The following EFCAB6 variants were observed in gnomAD, a reference collection of about 807,000 sequenced individuals.
The protein encoded by EFCAB6 is EF-hand calcium binding domain 6.
In EFCAB6, 156 loss-of-function variants were observed where a neutral mutation model predicts 169.8. That is an observed-to-expected ratio of 0.92 (90% CI 0.81 to 1.05). The LOEUF (loss-of-function observed/expected upper bound fraction) is 1.05. Among genes scored for constraint, EFCAB6 ranks in the 50% least tolerant of loss-of-function variants. The pLI is 0.00. For missense variants in EFCAB6, 1,800 were observed against 1,829.1 expected, an observed-to-expected ratio of 0.98 and a Z score of 0.29; for synonymous variants, 698 against 676.4, an observed-to-expected ratio of 1.03 and a Z score of -0.50.
At chr22:43,687,175 T>C (rs2058229009) in intron 11 of EFCAB6, among the ~76,000 whole-genome samples, 1 of 152,214 alleles carries the variant, frequency 6.6e-6, no homozygotes, top group South Asian at 2.1e-4. Flanking sequence ...CCTGGAGCCT[T>C]TGTGGTCCAT....
intron 25 of EFCAB6, 100 bp downstream of exon 25, chr22:43,580,364 G>A: frequency 7.7e-7 from 1 of 1,290,632 alleles, no homozygotes; most frequent in Non-Finnish European, 1.1e-6. Context: ...ACACCCCAAG[G>A]AGAATGAACA....
At chr22:43,784,619 ATACACATATATATGTATATG>A (rs751310109) in intron 2 of EFCAB6, among the ~76,000 whole-genome samples, 8,331 of 92,088 alleles carry the variant, frequency 0.09, 994 homozygotes, top group Non-Finnish European at 0.13. Flanking sequence ...ATGTGTATAT[ATACACATATATATGTATATG>A]TACACATATA....
intron 2 of EFCAB6, among the ~76,000 whole-genome samples, chr22:43,802,253 A>G (rs184325347): frequency 1.9e-3 from 296 of 152,208 alleles, no homozygotes; most frequent in Non-Finnish European, 3.2e-3. Flanking sequence ...AGATAAAACC[A>G]GCTGGGTGGC....
rs116278256 is a variant in EFCAB6 at position 43,802,156 on chromosome 22, G to A, written c.-8+6839C>T. Among the ~76,000 whole-genome samples, 1,433 of 152,276 alleles carry A rather than the reference G, an allele frequency of 9.4e-3. 25 individuals are homozygous for A. The highest frequency in any genetic ancestry group is 0.033 in the African/African-American group (1,384 of 41,560). ...ATGTCCCCTGAACTGACAAGAGGCT[G>A]TGTGCTGCTACATCCTGCAACCAGC... On this transcript the variant is annotated intron_variant, in intron 2 of 31. Transcript: ENST00000262726.
chr22:43,718,106 A>C (rs2059398917), intron 8 of EFCAB6, among the ~76,000 whole-genome samples: 1 of 151,988 alleles, frequency 6.6e-6, no homozygotes, highest in Non-Finnish European at 1.5e-5. Flanking sequence ...CAGAAACAAA[A>C]TCTGAGAGGA....
At chr22:43,689,159 T>C (rs1434831376) in intron 10 of EFCAB6, among the ~76,000 whole-genome samples, 2 of 151,824 alleles carry the variant, frequency 1.3e-5, no homozygotes, top group East Asian at 1.9e-4. Context: ...GCTAGAAACC[T>C]TGCAGGTGAG....
intron 15 of EFCAB6, among the ~76,000 whole-genome samples, chr22:43,669,560 G>A (rs1209594973): frequency 2.6e-5 from 4 of 152,188 alleles, no homozygotes; most frequent in Non-Finnish European, 5.9e-5. Context: ...GTTTCGTGGA[G>A]GTGGGAGGAG....
chr22:43,718,981 A>G (rs5764236), intron 8 of EFCAB6, among the ~76,000 whole-genome samples: 61,916 of 151,936 alleles, frequency 0.41, 13,782 homozygotes, highest in East Asian at 0.83. Context: ...CCTCTTGGAC[A>G]CCTCATCCTG....
rs1342149785 is a variant in EFCAB6 at position 43,683,851 on chromosome 22, T to C, written c.1147A>G (p.Asn383Asp). The C allele has an allele frequency of 1.2e-6, 2 of 1,605,584 alleles. No individual in the cohort carries two copies. Residue 383 changes from asparagine to aspartate, a missense_variant, in exon 12 of 32, where the codon AAC (asparagine) becomes GAC (aspartate). Physicochemically the swap from Asn to Asp is conservative, Grantham distance 23. Transcript: ENST00000262726. The part of the protein sequence containing the change: ...KGPLTKRNSI[N>D]SRNESHKENI... ...TCCTTGTGAGATTCATTTCTAGAGT[T>C]GATGCTACAAGAGGATTAGGAGAAA... is the stretch of plus-strand genomic sequence containing the variant.
rs1336613968 is a variant in EFCAB6, at chr22:43,679,521, T to C, written c.1252-1358A>G. Among the ~76,000 whole-genome samples the C allele has an allele frequency of 2.0e-5, 3 of 152,224 alleles. No individual in the cohort carries two copies. In the East Asian group the frequency reaches 5.8e-4, roughly 29 times the overall value. On this transcript the variant is annotated intron_variant, in intron 12 of 31. Transcript: ENST00000262726. Reference sequence around the variant, plus strand: ...ATACTTAGGAGTGGAATTGCTGGGTTCTATAAGTCACATTTAATTTTTATA... The same window carrying C: ...ATACTTAGGAGTGGAATTGCTGGGTCCTATAAGTCACATTTAATTTTTATA...
In EFCAB6 at chr22:43,540,220, G is replaced by T; in HGVS notation, c.3786C>A (p.Ser1262Arg). ...TGDSAVAQRG[S>R]SVPDVSEGTR... is the part of the protein sequence containing the mutation. ...TGCCTTCCGAGACGTCAGGGACACT[G>T]CTCCCTCTCTGGGCCACGGCCGAGT... Residue 1262 changes from serine (S) to arginine (R), a missense_variant, in exon 28 of 32, where the codon AGC (serine) becomes AGA (arginine). Coordinates refer to ENST00000262726, the MANE Select transcript of EFCAB6 (RefSeq NM_022785.4). 6.2e-7 allele frequency: 1 copy of T among 1,614,230 alleles called. No individual in the cohort carries two copies. The highest frequency in any genetic ancestry group is 8.5e-7 in the Non-Finnish European group (1 of 1,180,050).
At chr22:43,800,373 G>T (rs537509130) in intron 2 of EFCAB6, among the ~76,000 whole-genome samples, 1 of 152,326 alleles carries the variant, frequency 6.6e-6, no homozygotes, top group African/African-American at 2.4e-5. Flanking sequence ...CAAGCAAGAA[G>T]TCCAGAGAAG....
At chr22:43,553,142 C>T (rs1202645997) in intron 27 of EFCAB6, 1 of 152,106 alleles carries the variant, frequency 6.6e-6, no homozygotes, top group African/African-American at 2.4e-5. Context: ...GATCACGCTT[C>T]CCTATGAATA....
chr22:43,607,662 C>T (rs1360050001), intron 22 of EFCAB6, among the ~76,000 whole-genome samples: 2 of 152,208 alleles, frequency 1.3e-5, no homozygotes. Context: ...ACTTGGCCAA[C>T]ATTTCAGCCT....
Position 43,672,254 on chromosome 22 carries a change from A to T in EFCAB6, c.1471T>A (p.Trp491Arg). 1 of 1,614,202 alleles carries T rather than the reference A, an allele frequency of 6.2e-7. No individual in the cohort carries two copies. Among genetic ancestry groups the T allele is most frequent in the Non-Finnish European group, 8.5e-7 (1 of 1,180,010 alleles). Residue 491 changes from tryptophan (W) to arginine (R), a missense_variant, in exon 14 of 32, where the codon TGG becomes AGG. By Grantham distance (101) the Trp-to-Arg change is moderately radical. Coordinates refer to ENST00000262726, the MANE Select transcript of EFCAB6 (RefSeq NM_022785.4). ...AGGCAAGTGTTACTTACTGAATCCC[A>T]GGCCAGGAGGAAAGGTGTCTTAGCA... ...TDAKTPFLLA[W>R]DSVEEIVHDT... is the part of the protein sequence containing the mutation.
intron 26 of EFCAB6, among the ~76,000 whole-genome samples, chr22:43,575,358 GTTTTT>G (rs34543550): frequency 9.5e-6 from 1 of 104,834 alleles, no homozygotes; most frequent in Non-Finnish European, 1.8e-5. Context: ...ATCCGGCTAT[GTTTTT>G]TTTTTTTTTT....
chr22:43,585,286 T>C (rs1190369018), intron 24 of EFCAB6, among the ~76,000 whole-genome samples: 1 of 149,998 alleles, frequency 6.7e-6, no homozygotes, highest in African/African-American at 2.5e-5. Flanking sequence ...TAAAAGAAAA[T>C]GCCAGAAATT....
intron 1 of EFCAB6, among the ~76,000 whole-genome samples, chr22:43,811,390 GAGAAAAGAAA>G (rs889809710): frequency 7.6e-6 from 1 of 132,072 alleles, no homozygotes; most frequent in Non-Finnish European, 1.6e-5. Flanking sequence ...GGAGGGGAGG[GAGAAAAGAAA>G]AGAAAAGAAA....
chr22:43,655,327 G>A (rs964862257), intron 17 of EFCAB6, among the ~76,000 whole-genome samples: 29 of 151,882 alleles, frequency 1.9e-4, no homozygotes, highest in Admixed American at 1.8e-3. Flanking sequence ...AAGAGAAGAG[G>A]GGCTAAAGGG....
Sources: allele counts gnomAD v4.1 joint callset (sites outside exome capture counted in the v4.1 genomes callset), GRCh38; gene constraint gnomAD v4.1.1; transcripts MANE v1.5; gene names NCBI Gene and HGNC (gene_info 2026-07-23, HGNC 2026-07-21).